IFT140: variants seen among roughly 807,000 people sequenced by gnomAD.
The protein encoded by IFT140 is intraflagellar transport protein 140 homolog.
IFT140 carries 133 observed loss-of-function variants against 164.6 expected under a neutral mutation model. That is an observed-to-expected ratio of 0.81 (90% CI 0.70 to 0.93). The LOEUF is 0.93. Among genes scored for constraint, IFT140 ranks in the 40% least tolerant of loss-of-function variants. The pLI, the probability that IFT140 is intolerant of heterozygous loss-of-function variation, is 0.00. For missense variants in IFT140, 2,045 were observed against 1,972.3 expected (o/e 1.04, Z -0.70); for synonymous variants, 860 against 817.3 (o/e 1.05, Z -0.89).
At chr16:1,549,814 C>T (rs1012674383) in intron 19 of IFT140, among the ~76,000 whole-genome samples, 6 of 152,164 alleles carry the variant, frequency 3.9e-5, no homozygotes, top group African/African-American at 1.4e-4. Flanking sequence ...TGCTTTGTGA[C>T]GGTCCCTGCC....
chr16:1,564,046 T>A lies in IFT140; in HGVS notation c.2018A>T (p.Gln673Leu). ...GGGCTGCCCGTTTGCAGACTGAGGC[T>A]GGGAGCGCGGCGTCTCCTGCACGGC... ...CEAVQETPRS[Q>L]PQSANGQPQD... Residue 673 changes from glutamine (Q) to leucine (L), a missense_variant, in exon 17 of 31, where the codon CAG becomes CTG. Gln to Leu is a moderately radical substitution (Grantham distance 113, BLOSUM62 -2). Coordinates refer to ENST00000426508, the MANE Select transcript of IFT140 (RefSeq NM_014714.4). This position sits in a 1 kb window ranked among gnomAD's most constrained non-coding sequence, Gnocchi z 5.5. The A allele has an allele frequency of 6.2e-7, 1 of 1,600,368 alleles. No homozygotes were observed. Among genetic ancestry groups the A allele is most frequent in the South Asian group, 1.1e-5 (1 of 90,406 alleles).
intron 29 of IFT140, 114 bp from the exon 30 acceptor site, chr16:1,518,471 A>G (rs1046266538): frequency 6.1e-6 from 6 of 988,376 alleles, no homozygotes; most frequent in Admixed American, 6.4e-5. Flanking sequence ...GCAGGAGGAA[A>G]CTTTCTATGA....
At chr16:1,518,638 T>C (rs2040433047) in intron 29 of IFT140, among the ~76,000 whole-genome samples, 1 of 151,836 alleles carries the variant, frequency 6.6e-6, no homozygotes, top group African/African-American at 2.4e-5. Flanking sequence ...CAGAGGGGGC[T>C]AGAAACCTCT....
rs558458958 is a variant in IFT140 at position 1,580,926 on chromosome 16, C to T, written c.1433-76G>A. ...GCTGGGAGTTTCAGGAGCATTCCCACACACGATCCCTAATTAATCTCAGCC... is the reference window on the plus strand; with the variant it reads ...GCTGGGAGTTTCAGGAGCATTCCCATACACGATCCCTAATTAATCTCAGCC... On this transcript the variant is annotated intron_variant, in intron 12 of 30. Coordinates refer to ENST00000426508, the MANE Select transcript of IFT140 (RefSeq NM_014714.4). 58 of 921,862 alleles carry T rather than the reference C, an allele frequency of 6.3e-5. No homozygotes were observed. In the South Asian group the frequency reaches 7.5e-4, roughly 12 times the overall value. The allele number at this position is 921,862 out of a possible 1,614,324, so 57.1% of individuals were successfully genotyped here. A position where few individuals can be genotyped will look rare whatever the true frequency, so the allele number is the denominator to read the frequency against.
intron 18 of IFT140, 123 bp downstream of exon 18, chr16:1,561,862 G>A: frequency 1.1e-6 from 1 of 950,382 alleles, no homozygotes. Context: ...TGTCTACGGA[G>A]AGGGAAGCCC....
chr16:1,559,539 G>A (rs115679100), intron 18 of IFT140, among the ~76,000 whole-genome samples: 3,518 of 152,294 alleles, frequency 0.023, 135 homozygotes, highest in African/African-American at 0.079. Context: ...GTCATGGCTA[G>A]TCCTCACTAG....
chr16:1,547,247 A>G (rs1260116557), intron 19 of IFT140, among the ~76,000 whole-genome samples: 1 of 152,220 alleles, frequency 6.6e-6, no homozygotes, highest in Non-Finnish European at 1.5e-5. Context: ...GACACTAGAA[A>G]GGGCACCATG....
intron 3 of IFT140, among the ~76,000 whole-genome samples, chr16:1,605,120 A>C (rs1354976984): frequency 1.3e-5 from 2 of 152,168 alleles, no homozygotes; most frequent in Admixed American, 6.5e-5. Flanking sequence ...AGAAATGGAG[A>C]GGAGCCCTGA....
intron 30 of IFT140, 35 bp downstream of exon 30, chr16:1,518,181 C>A: frequency 1.3e-6 from 2 of 1,575,390 alleles, no homozygotes; most frequent in Non-Finnish European, 1.7e-6. Context: ...CCTTGTGTGG[C>A]GGGATGCTGC....
chr16:1,557,873 G>A (rs1596361765), intron 19 of IFT140, 62 bp downstream of exon 19: 1 of 1,514,980 alleles, frequency 6.6e-7, no homozygotes, highest in South Asian at 1.1e-5. Flanking sequence ...GGCAAACAGG[G>A]AGAAAGGAAA....
intron 29 of IFT140, among the ~76,000 whole-genome samples, chr16:1,519,251 G>A (rs3784820): frequency 0.24 from 37,176 of 152,142 alleles, 5,095 homozygotes; most frequent in African/African-American, 0.37. Context: ...AAGGTTCTCC[G>A]ATAAGGAAAA....
chr16:1,590,298 C>G (rs1041768015), intron 6 of IFT140, among the ~76,000 whole-genome samples: 2 of 152,034 alleles, frequency 1.3e-5, no homozygotes, highest in African/African-American at 2.4e-5. Flanking sequence ...CTCAAGCTGT[C>G]TCTATGGATT....
At position 1,519,927 on chromosome 16, in the gene IFT140, G is replaced by T. The variant is rs1230081214; in HGVS notation, c.3994C>A (p.Leu1332Met). Residue 1332 changes from leucine to methionine, a missense_variant, in exon 29 of 31, where the codon CTG becomes ATG. Leu to Met is a conservative substitution (Grantham distance 15). Transcript: ENST00000426508. ...PLDQETRLAQ[L>M]QSRMALVKRF... Reference sequence around the variant, plus strand: ...TTCACCAGTGCCATCCTGCTCTGCAGCTGCGCCAGCCTGGTCTCCTGGTCC... The same window carrying T: ...TTCACCAGTGCCATCCTGCTCTGCATCTGCGCCAGCCTGGTCTCCTGGTCC... 6.3e-7 allele frequency: 1 copy of T among 1,598,476 alleles called. No individual in the cohort carries two copies. The highest frequency in any genetic ancestry group is 1.8e-5 in the Admixed American group (1 of 56,436).
chr16:1,605,656 G>A (rs545953671), intron 3 of IFT140, among the ~76,000 whole-genome samples: 69 of 152,106 alleles, frequency 4.5e-4, no homozygotes, highest in African/African-American at 1.6e-3. Flanking sequence ...CACCCACCCC[G>A]GCCTCCCAAA....
At chr16:1,529,484 C>T (rs532864456) in intron 19 of IFT140, among the ~76,000 whole-genome samples, 2 of 152,324 alleles carry the variant, frequency 1.3e-5, no homozygotes, top group African/African-American at 4.8e-5. Flanking sequence ...GCATGGGACC[C>T]CAGGGAGGTG....
At chr16:1,516,571 C>G (rs1228574439) in intron 30 of IFT140, among the ~76,000 whole-genome samples, 3 of 151,854 alleles carry the variant, frequency 2.0e-5, no homozygotes, top group African/African-American at 7.3e-5. Flanking sequence ...AGATCGAGAC[C>G]ATCCTGGCTA....
chr16:1,543,478 G>T (rs2031851008), intron 19 of IFT140, among the ~76,000 whole-genome samples: 1 of 152,218 alleles, frequency 6.6e-6, no homozygotes, highest in Non-Finnish European at 1.5e-5. Flanking sequence ...GGCGGGAAGG[G>T]AGGGGCCTCG....
At chr16:1,516,166 A>AAC in intron 30 of IFT140, among the ~76,000 whole-genome samples, 1 of 123,056 alleles carries the variant, frequency 8.1e-6, no homozygotes, top group Non-Finnish European at 1.7e-5. Flanking sequence ...AAAAAAAAAA[A>AAC]AAAAAAAAAA....
intron 13 of IFT140, among the ~76,000 whole-genome samples, chr16:1,573,316 C>T (rs1028850123): frequency 3.9e-5 from 6 of 152,084 alleles, no homozygotes; most frequent in South Asian, 4.1e-4. Context: ...GGAGGCTCCT[C>T]GGTGAGCTCA....
Sources: gnomAD v4.1 joint callset for allele counts (sites outside exome capture counted in the v4.1 genomes callset) on GRCh38, gnomAD v4.1.1 for gene constraint, Gnocchi (gnomAD v3.1) non-coding constraint, MANE v1.5 for transcripts, NCBI Gene and HGNC (gene_info 2026-07-23, HGNC 2026-07-21) for gene names.